The following SCD5 variants were observed in gnomAD, a reference collection of about 807,000 sequenced individuals.
SCD5 encodes acyl-CoA-desaturase 4.
A neutral mutation model predicts 30.4 loss-of-function variants in SCD5; 20 were observed. The ratio of observed to expected loss-of-function variants is 0.66; its 90% CI spans 0.46 to 0.96. The LOEUF is 0.96. SCD5 is among the 40% of genes least tolerant of loss of function. The probability of loss-of-function intolerance (pLI) is 0.00; values close to 1 mark genes in which losing one functional copy is unlikely to be tolerated. For missense variants in SCD5, 381 were observed against 443.3 expected, an observed-to-expected ratio of 0.86 and a Z score of 1.26; for synonymous variants, 173 against 176.4, an observed-to-expected ratio of 0.98 and a Z score of 0.16.
Position 82,798,591 on chromosome 4 carries a change from G to C in SCD5, c.-54C>G, listed in dbSNP as rs1578073592. On this transcript the variant is annotated 5_prime_UTR_variant, in exon 1 of 5. Transcript: ENST00000319540. Reference sequence around the variant, plus strand: ...CGGCAGGCAGGCAGGCGCTCTGCCCGAGCGGAGCTCGAGGGTGGGGGCGGG... The same window carrying C: ...CGGCAGGCAGGCAGGCGCTCTGCCCCAGCGGAGCTCGAGGGTGGGGGCGGG... 1.4e-6 allele frequency: 2 copies of C among 1,477,332 alleles called. No homozygotes were observed. The highest frequency in any genetic ancestry group is 2.5e-5 in the East Asian group (1 of 40,686). 91.5% of individuals were successfully genotyped at this position (1,477,332 alleles called of 1,614,324 possible).
intron 3 of SCD5, among the ~76,000 whole-genome samples, chr4:82,649,267 A>G (rs1006563867): frequency 4.6e-5 from 7 of 151,898 alleles, no homozygotes; most frequent in Non-Finnish European, 1.0e-4. Flanking sequence ...GAAGTACTGT[A>G]ATAAAAAAAT....
At chr4:82,674,880 T>G (rs1035894707) in intron 3 of SCD5, among the ~76,000 whole-genome samples, 6 of 152,162 alleles carry the variant, frequency 3.9e-5, no homozygotes, top group Non-Finnish European at 8.8e-5. Context: ...CTGAGAAGGC[T>G]ACATACAGTA....
At chr4:82,773,839 C>G (rs939450682) in intron 1 of SCD5, among the ~76,000 whole-genome samples, 2 of 152,110 alleles carry the variant, frequency 1.3e-5, no homozygotes, top group African/African-American at 4.8e-5. Context: ...TGGCTCATCC[C>G]AGCACTTTGG....
At chr4:82,692,744 C>T (rs1460212332) in intron 2 of SCD5, among the ~76,000 whole-genome samples, 1 of 152,192 alleles carries the variant, frequency 6.6e-6, no homozygotes, top group Non-Finnish European at 1.5e-5. Flanking sequence ...TCAAAAACCA[C>T]CCAGCCTGAA....
chr4:82,700,299 G>T (rs1578027631), intron 2 of SCD5, among the ~76,000 whole-genome samples: 1 of 151,946 alleles, frequency 6.6e-6, no homozygotes, highest in Non-Finnish European at 1.5e-5. Flanking sequence ...CCAAACCATA[G>T]ATCCAGGACA....
intron 1 of SCD5, among the ~76,000 whole-genome samples, chr4:82,790,533 T>C (rs1167358698): frequency 6.6e-6 from 1 of 152,150 alleles, no homozygotes; most frequent in African/African-American, 2.4e-5. Context: ...CCTCCTGCCA[T>C]GCTCCACTTG....
chr4:82,791,396 G>T (rs1191905432), intron 1 of SCD5, among the ~76,000 whole-genome samples: 1 of 151,220 alleles, frequency 6.6e-6, no homozygotes. Context: ...CCAATCCATT[G>T]CCAGGGGAAA....
At chr4:82,638,505 A>G (rs562997579) in intron 3 of SCD5, among the ~76,000 whole-genome samples, 1 of 152,312 alleles carries the variant, frequency 6.6e-6, no homozygotes, top group South Asian at 2.1e-4. Flanking sequence ...CTCAGGGAAT[A>G]AAAGAAGGGA....
At chr4:82,641,376 G>A (rs578113124) in intron 3 of SCD5, among the ~76,000 whole-genome samples, 27 of 151,000 alleles carry the variant, frequency 1.8e-4, no homozygotes, top group African/African-American at 6.3e-4. Flanking sequence ...GGAAGACAAT[G>A]AACAATATAA....
intron 1 of SCD5, among the ~76,000 whole-genome samples, chr4:82,710,250 A>G (rs1720053571): frequency 6.6e-6 from 1 of 152,136 alleles, no homozygotes; most frequent in South Asian, 2.1e-4. Flanking sequence ...TCTCTTAGAC[A>G]CCATGTGGCC....
intron 3 of SCD5, among the ~76,000 whole-genome samples, chr4:82,661,365 T>C (rs999647268): frequency 2.0e-5 from 3 of 152,324 alleles, no homozygotes; most frequent in African/African-American, 4.8e-5. Flanking sequence ...AACAAATTCA[T>C]TACTTACAAC....
At chr4:82,655,002 G>A (rs1327857482) in intron 3 of SCD5, among the ~76,000 whole-genome samples, 6 of 152,148 alleles carry the variant, frequency 3.9e-5, no homozygotes, top group African/African-American at 1.4e-4. Context: ...TCAAGAGAAG[G>A]CCCTCACCAT....
chr4:82,796,179 A>G (rs1039213527), intron 1 of SCD5, among the ~76,000 whole-genome samples: 10 of 151,832 alleles, frequency 6.6e-5, no homozygotes, highest in Admixed American at 2.6e-4. Flanking sequence ...CTGAAGCAGG[A>G]GAATGGTGTG....
chr4:82,679,220 A>AAAGAAAG (rs1553915588), intron 3 of SCD5, among the ~76,000 whole-genome samples: 1 of 32,224 alleles, frequency 3.1e-5, no homozygotes, highest in Non-Finnish European at 5.7e-5. Flanking sequence ...AAAAAGAAAG[A>AAAGAAAG]AAAGAAAGAA....
chr4:82,725,941 G>A (rs1013960465), intron 1 of SCD5, among the ~76,000 whole-genome samples: 1 of 152,216 alleles, frequency 6.6e-6, no homozygotes, highest in Non-Finnish European at 1.5e-5. Flanking sequence ...TAGGAAGCAG[G>A]ATTTCAACTG....
chr4:82,702,968 G>T (rs1397894604), intron 2 of SCD5, among the ~76,000 whole-genome samples: 3 of 152,192 alleles, frequency 2.0e-5, no homozygotes, highest in African/African-American at 7.2e-5. Flanking sequence ...ATCTTAGAGA[G>T]GTACCTTCCA....
chr4:82,646,028 A>AG (rs950090790), intron 3 of SCD5, among the ~76,000 whole-genome samples: 2 of 152,080 alleles, frequency 1.3e-5, no homozygotes, highest in Non-Finnish European at 1.5e-5. Flanking sequence ...TAGAGCATGA[A>AG]GGGGGGGAAA....
intron 1 of SCD5, among the ~76,000 whole-genome samples, chr4:82,781,553 G>A (rs1721874732): frequency 6.6e-6 from 1 of 152,190 alleles, no homozygotes; most frequent in Admixed American, 6.5e-5. Flanking sequence ...GTCTCCCTAA[G>A]TTCATGTGTT....
chr4:82,760,445 G>A (rs1721338933), intron 1 of SCD5, among the ~76,000 whole-genome samples: 1 of 152,188 alleles, frequency 6.6e-6, no homozygotes, highest in Non-Finnish European at 1.5e-5. Context: ...TGCCCAGGCT[G>A]AAATGCAGTG....
Sources: allele counts gnomAD v4.1 joint callset (sites outside exome capture counted in the v4.1 genomes callset), GRCh38; gene constraint gnomAD v4.1.1; transcripts MANE v1.5; gene names NCBI Gene and HGNC (gene_info 2026-07-23, HGNC 2026-07-21).